CYP2C19: variants seen among roughly 807,000 people sequenced by gnomAD.
CYP2C19 encodes the protein cytochrome P450 family 2 subfamily C member 19.
A neutral mutation model predicts 40.9 loss-of-function variants in CYP2C19; 59 were observed. The observed-to-expected ratio is 1.44, with a 90% confidence interval of 1.17 to 1.79. The LOEUF (loss-of-function observed/expected upper bound fraction) is 1.79. Ranked by LOEUF, CYP2C19 falls within the 40% of genes most tolerant of loss-of-function variation. The probability of loss-of-function intolerance (pLI) is 0.00; values close to 1 mark genes in which losing one functional copy is unlikely to be tolerated. For synonymous variants in CYP2C19, 253 were observed against 208.7 expected, an observed-to-expected ratio of 1.21 and a Z score of -1.83; for missense variants, 754 against 596.9, an observed-to-expected ratio of 1.26 and a Z score of -2.74.
In CYP2C19 at chr10:94,854,442, T is replaced by A. The variant is rs1036325636; in HGVS notation, c.*1528T>A. On this transcript the variant is annotated 3_prime_UTR_variant, in exon 9 of 9. Coordinates refer to ENST00000371321, the MANE Select transcript of CYP2C19 (RefSeq NM_000769.4). ...TTGTCCTAATATAATTAGCCTCATG[T>A]CATCTCCAAAGCATAGACAACTAAG... Among the ~76,000 whole-genome samples, 4 of 152,100 alleles carry A rather than the reference T, an allele frequency of 2.6e-5. No homozygotes were observed. Among genetic ancestry groups the A allele is most frequent in the Non-Finnish European group, 4.4e-5 (3 of 68,012 alleles).
At chr10:94,800,197 T>C (rs1295593223) in intron 5 of CYP2C19, among the ~76,000 whole-genome samples, 1 of 152,240 alleles carries the variant, frequency 6.6e-6, no homozygotes, top group Non-Finnish European at 1.5e-5. Flanking sequence ...GGTGTGAATG[T>C]CCTTTTTGTT....
intron 8 of CYP2C19, among the ~76,000 whole-genome samples, chr10:94,851,340 C>T (rs902967971): frequency 6.6e-6 from 1 of 151,500 alleles, no homozygotes; most frequent in African/African-American, 2.4e-5. Context: ...GAAATCATCC[C>T]CTATGATGCA....
intron 5 of CYP2C19, among the ~76,000 whole-genome samples, chr10:94,784,060 C>T (rs907998951): frequency 2.0e-5 from 3 of 152,134 alleles, no homozygotes; most frequent in Non-Finnish European, 2.9e-5. Flanking sequence ...TAAATAATCA[C>T]TCCATTCCCC....
chr10:94,848,186 T>C (rs1849601149), intron 7 of CYP2C19, among the ~76,000 whole-genome samples: 1 of 152,228 alleles, frequency 6.6e-6, no homozygotes, highest in South Asian at 2.1e-4. Flanking sequence ...GCCTAGGTTT[T>C]CTTCTAGGAT....
At chr10:94,827,256 C>A (rs1176105992) in intron 6 of CYP2C19, among the ~76,000 whole-genome samples, 2 of 152,004 alleles carry the variant, frequency 1.3e-5, no homozygotes, top group Non-Finnish European at 2.9e-5. Flanking sequence ...CCTCCTTGTA[C>A]CTCTGGTAGA....
intron 3 of CYP2C19, among the ~76,000 whole-genome samples, chr10:94,777,762 A>G (rs1324060564): frequency 6.6e-6 from 1 of 152,152 alleles, no homozygotes; most frequent in Admixed American, 6.5e-5. Flanking sequence ...CATGACTAAA[A>G]CACCAAAAGC....
At chr10:94,829,844 CCTTT>C (rs1443972685) in intron 6 of CYP2C19, among the ~76,000 whole-genome samples, 1 of 151,764 alleles carries the variant, frequency 6.6e-6, no homozygotes, top group African/African-American at 2.4e-5. Context: ...GTGTGGATGT[CCTTT>C]CTGTTTGTTA....
chr10:94,769,608 A>G (rs908680370), intron 1 of CYP2C19, among the ~76,000 whole-genome samples: 1 of 152,088 alleles, frequency 6.6e-6, no homozygotes, highest in Non-Finnish European at 1.5e-5. Flanking sequence ...TGGTTTTTGT[A>G]CTCCTAGAAT....
At chr10:94,852,628 C>G in intron 8 of CYP2C19, 105 bp from the exon 9 acceptor site, 1 of 1,249,438 alleles carries the variant, frequency 8.0e-7, no homozygotes, top group Non-Finnish European at 1.1e-6. Flanking sequence ...TATGATTCAC[C>G]GAACAGTTCT....
intron 6 of CYP2C19, among the ~76,000 whole-genome samples, chr10:94,831,432 T>TA (rs946262473): frequency 6.6e-6 from 1 of 152,208 alleles, no homozygotes; most frequent in Non-Finnish European, 1.5e-5. Flanking sequence ...TTTAGTTTTT[T>TA]AAAAAACTTA....
At chr10:94,822,124 G>C (rs1849133548) in intron 6 of CYP2C19, among the ~76,000 whole-genome samples, 1 of 151,978 alleles carries the variant, frequency 6.6e-6, no homozygotes, top group Non-Finnish European at 1.5e-5. Flanking sequence ...CATGATTTTT[G>C]TTCTTTTTTA....
At chr10:94,850,726 C>T (rs916005366) in intron 8 of CYP2C19, among the ~76,000 whole-genome samples, 7 of 152,134 alleles carry the variant, frequency 4.6e-5, no homozygotes, top group African/African-American at 1.4e-4. Flanking sequence ...GAAGGCAGGG[C>T]TATTAAAGGA....
At chr10:94,815,000 G>A (rs2134262953) in intron 5 of CYP2C19, among the ~76,000 whole-genome samples, 1 of 138,112 alleles carries the variant, frequency 7.2e-6, no homozygotes, top group African/African-American at 2.8e-5. Flanking sequence ...TGAGGGTGAG[G>A]TGCAGGAAAA....
Position 94,852,829 on chromosome 10 carries a change from A to G in CYP2C19, c.1388A>G (p.Asp463Gly), listed in dbSNP as rs1173586128. The G allele has an allele frequency of 1.2e-6, 2 of 1,613,976 alleles. No individual in the cohort carries two copies. The highest frequency in any genetic ancestry group is 2.2e-5 in the South Asian group (2 of 91,078). The change falls in exon 9 of 9, where the codon GAC becomes GGC. Residue 463 changes from aspartate (D) to glycine (G), a missense_variant. Transcript: ENST00000371321. ...LQNFNLKSLI[D>G]PKDLDTTPVV... is the part of the protein sequence containing the mutation. ...AACTTTAACCTGAAATCTCTGATTG[A>G]CCCAAAGGACCTTGACACAACTCCT...
intron 5 of CYP2C19, among the ~76,000 whole-genome samples, chr10:94,808,855 C>T (rs932517884): frequency 6.6e-6 from 1 of 152,128 alleles, no homozygotes; most frequent in African/African-American, 2.4e-5. Flanking sequence ...ACTTAGGTTG[C>T]TTCCATATCT....
chr10:94,835,745 G>T (rs1294423329), intron 6 of CYP2C19, among the ~76,000 whole-genome samples: 1 of 152,116 alleles, frequency 6.6e-6, no homozygotes, highest in Non-Finnish European at 1.5e-5. Context: ...GGACATGGAA[G>T]ACTAGGTAAG....
At chr10:94,790,644 C>T (rs769927431) in intron 5 of CYP2C19, among the ~76,000 whole-genome samples, 6 of 152,116 alleles carry the variant, frequency 3.9e-5, no homozygotes, top group South Asian at 2.1e-4. Flanking sequence ...TGATGGATTA[C>T]GTTTATTGAT....
chr10:94,809,778 G>T (rs1482559539), intron 5 of CYP2C19, among the ~76,000 whole-genome samples: 2 of 152,046 alleles, frequency 1.3e-5, no homozygotes, highest in Admixed American at 1.3e-4. Context: ...GCATGAAGGG[G>T]AGTTGAATTT....
chr10:94,828,037 C>T (rs1424498963), intron 6 of CYP2C19, among the ~76,000 whole-genome samples: 2 of 151,582 alleles, frequency 1.3e-5, no homozygotes, highest in African/African-American at 2.4e-5. Context: ...GACAGTTTGC[C>T]ATAATTTCTG....
Sources: gnomAD v4.1 joint callset for allele counts (sites outside exome capture counted in the v4.1 genomes callset) on GRCh38, gnomAD v4.1.1 for gene constraint, MANE v1.5 for transcripts, NCBI Gene and HGNC (gene_info 2026-07-23, HGNC 2026-07-21) for gene names.